CRPPA: variants seen among roughly 807,000 people sequenced by gnomAD.
CRPPA encodes the protein CDP-L-ribitol pyrophosphorylase A.
In CRPPA, 43 loss-of-function variants were observed where a neutral mutation model predicts 52.0. The observed-to-expected ratio is 0.83, with a 90% CI of 0.65 to 1.07. CRPPA has a LOEUF of 1.07. CRPPA is among the 50% of genes least tolerant of loss of function. The probability of loss-of-function intolerance (pLI) is 0.00; values close to 1 mark genes in which losing one functional copy is unlikely to be tolerated. For synonymous variants in CRPPA, 250 were observed against 203.5 expected, an observed-to-expected ratio of 1.23 and a Z score of -1.94; for missense variants, 629 against 551.7, an observed-to-expected ratio of 1.14 and a Z score of -1.40.
In CRPPA at chr7:16,421,152, C is replaced by T. The variant is rs1032859096; in HGVS notation, c.171G>A (p.Gly57=). Residue 57 remains glycine (G), a synonymous_variant, in exon 1 of 10, where the codon GGG becomes GGA. Coordinates refer to ENST00000407010, the MANE Select transcript of CRPPA (RefSeq NM_001101426.4). ...TCGGGGTGGGGACCCCCATCCTCTC[C>T]CCGCACCCCCCGGCAGGCAACACAG... ...VAAVLPAGGC[G]ERMGVPTPKQ... 3.1e-5 allele frequency: 42 copies of T among 1,335,008 alleles called. No homozygotes were observed. Among genetic ancestry groups the T allele is most frequent in the Non-Finnish European group, 3.9e-5 (40 of 1,037,706 alleles). The allele number at this position is 1,335,008 out of a possible 1,614,324, so 82.7% of individuals were successfully genotyped here.
chr7:16,254,788 A>AGAAAGAAG (rs1554299366), intron 8 of CRPPA, among the ~76,000 whole-genome samples: 2 of 118,094 alleles, frequency 1.7e-5, no homozygotes, highest in African/African-American at 6.5e-5. Context: ...AAAGAAAGAA[A>AGAAAGAAG]GAAGGAAAGA....
At chr7:16,123,676 A>C (rs1782520311) in intron 9 of CRPPA, among the ~76,000 whole-genome samples, 1 of 152,166 alleles carries the variant, frequency 6.6e-6, no homozygotes, top group African/African-American at 2.4e-5. Context: ...AGAGGTCATT[A>C]CAGCACATTA....
intron 2 of CRPPA, among the ~76,000 whole-genome samples, chr7:16,390,089 C>CA (rs1432763067): frequency 1.3e-5 from 2 of 150,878 alleles, no homozygotes; most frequent in South Asian, 4.2e-4. Context: ...ACAAAAACTC[C>CA]AAAAAAATGT....
intron 9 of CRPPA, among the ~76,000 whole-genome samples, chr7:16,190,306 G>T (rs1781582259): frequency 6.6e-6 from 1 of 152,162 alleles, no homozygotes; most frequent in Non-Finnish European, 1.5e-5. Flanking sequence ...ATAGAAGACA[G>T]TTAACTTAAA....
At chr7:16,309,200 C>T (rs1017691131) in intron 3 of CRPPA, among the ~76,000 whole-genome samples, 18 of 152,110 alleles carry the variant, frequency 1.2e-4, no homozygotes, top group Non-Finnish European at 2.4e-4. Flanking sequence ...AAAAATAAAA[C>T]ATTTTTTGGC....
chr7:16,420,665 A>G (rs1416194558), intron 1 of CRPPA, among the ~76,000 whole-genome samples: 4 of 152,228 alleles, frequency 2.6e-5, no homozygotes, highest in Admixed American at 1.3e-4. Context: ...TGGAAACTTC[A>G]GTGTGCACGT....
Position 16,360,760 on chromosome 7 carries a change from C to T in CRPPA, c.684+15332G>A, listed in dbSNP as rs1583547719. On this transcript the variant is annotated intron_variant, in intron 3 of 9. Coordinates refer to ENST00000407010, the MANE Select transcript of CRPPA (RefSeq NM_001101426.4). ...CCAAAGACCTAAATATAAGTTAAAGCAAGAATTATAGAAATCTTAGAAGAC... is the reference window on the plus strand; with the variant it reads ...CCAAAGACCTAAATATAAGTTAAAGTAAGAATTATAGAAATCTTAGAAGAC... Among the ~76,000 whole-genome samples the T allele has an allele frequency of 2.0e-5, 3 of 152,032 alleles. No individual in the cohort carries two copies. In the East Asian group the frequency reaches 5.8e-4, roughly 29 times the overall value.
At position 16,258,404 on chromosome 7, in the gene CRPPA, C is replaced by T; in HGVS notation, c.1105G>A (p.Val369Ile). 6.3e-7 allele frequency: 1 copy of T among 1,596,808 alleles called. No homozygotes were observed. The highest frequency in any genetic ancestry group is 8.5e-7 in the Non-Finnish European group (1 of 1,170,190). Reference protein sequence around the residue: ...EESSLCILYPVVVVSVHFLDF... With the variant: ...EESSLCILYPIVVVSVHFLDF... ...ATTTCACTTACTGAAACAACAACAACAGGATATAAAATGCAAAGACTACTC... is the reference window on the plus strand; with the variant it reads ...ATTTCACTTACTGAAACAACAACAATAGGATATAAAATGCAAAGACTACTC... Residue 369 changes from valine to isoleucine, a missense_variant, in exon 8 of 10, where the codon GTT (valine) becomes ATT (isoleucine). Physicochemically the swap from Val to Ile is conservative, Grantham distance 29. Coordinates refer to ENST00000407010, the MANE Select transcript of CRPPA (RefSeq NM_001101426.4).
intron 3 of CRPPA, among the ~76,000 whole-genome samples, chr7:16,311,565 C>A (rs1344971003): frequency 6.6e-6 from 1 of 151,900 alleles, no homozygotes; most frequent in Non-Finnish European, 1.5e-5. Context: ...GTTTGTTTAT[C>A]CCCTCATCTA....
intron 9 of CRPPA, among the ~76,000 whole-genome samples, chr7:16,145,163 A>G (rs1174165016): frequency 6.6e-6 from 1 of 152,204 alleles, no homozygotes; most frequent in Non-Finnish European, 1.5e-5. Flanking sequence ...CATAGTCTGG[A>G]AGCAGTTCTA....
chr7:16,134,092 C>T lies in CRPPA; in HGVS notation c.1252-42293G>A, dbSNP rs941575485. Reference sequence around the variant, plus strand: ...GACTACAGGCGCCCGCCACCACGCCCGGCTAATTTTTTGTATTTTTAGCAG... The same window carrying T: ...GACTACAGGCGCCCGCCACCACGCCTGGCTAATTTTTTGTATTTTTAGCAG... On this transcript the variant is annotated intron_variant, in intron 9 of 9. Coordinates refer to ENST00000407010, the MANE Select transcript of CRPPA (RefSeq NM_001101426.4). Among the ~76,000 whole-genome samples, 4 of 123,678 alleles carry T rather than the reference C, an allele frequency of 3.2e-5. 1 individual carries two copies. Among genetic ancestry groups the T allele is most frequent in the East Asian group, 3.5e-4 (1 of 2,848 alleles). 81.1% of individuals were successfully genotyped at this position (123,678 alleles called of 152,430 possible).
intron 1 of CRPPA, among the ~76,000 whole-genome samples, chr7:16,406,538 CTA>C (rs1353684827): frequency 9.9e-5 from 15 of 152,024 alleles, no homozygotes; most frequent in Non-Finnish European, 2.2e-4. Context: ...CACTATAGCT[CTA>C]GATAGTGTTT....
chr7:16,164,310 T>A (rs1780995219), intron 9 of CRPPA, among the ~76,000 whole-genome samples: 1 of 152,234 alleles, frequency 6.6e-6, no homozygotes, highest in Admixed American at 6.5e-5. Flanking sequence ...TGGCTAAAGA[T>A]ACTTGTGTAT....
At chr7:16,268,940 T>G (rs1296514084) in intron 6 of CRPPA, 1 of 152,250 alleles carries the variant, frequency 6.6e-6, no homozygotes, top group Non-Finnish European at 1.5e-5. Context: ...CACCTTCTCT[T>G]GCCTCCTTTT....
At chr7:16,255,288 AAG>A (rs1220935018) in intron 8 of CRPPA, among the ~76,000 whole-genome samples, 1 of 152,182 alleles carries the variant, frequency 6.6e-6, no homozygotes, top group Non-Finnish European at 1.5e-5. Flanking sequence ...AAGGAAATAA[AAG>A]AGGACACAAA....
intron 9 of CRPPA, among the ~76,000 whole-genome samples, chr7:16,112,841 A>T (rs1362903853): frequency 6.6e-6 from 1 of 152,032 alleles, no homozygotes; most frequent in African/African-American, 2.4e-5. Context: ...CTGATGCCAG[A>T]CTCTAAGCTA....
At chr7:16,189,486 T>C (rs1050310557) in intron 9 of CRPPA, among the ~76,000 whole-genome samples, 5 of 152,180 alleles carry the variant, frequency 3.3e-5, no homozygotes, top group African/African-American at 1.2e-4. Flanking sequence ...AGCAAGCATC[T>C]AGATAGTTGA....
intron 9 of CRPPA, among the ~76,000 whole-genome samples, chr7:16,180,413 T>C (rs1382504409): frequency 2.0e-5 from 3 of 152,126 alleles, no homozygotes; most frequent in Non-Finnish European, 2.9e-5. Flanking sequence ...TAATACATAA[T>C]ATAAGAAAAG....
intron 3 of CRPPA, among the ~76,000 whole-genome samples, chr7:16,372,494 T>C (rs1005838224): frequency 2.6e-5 from 4 of 152,122 alleles, no homozygotes; most frequent in Non-Finnish European, 5.9e-5. Context: ...CACAAACAAA[T>C]GCTGAGAAAA....
Sources: allele counts gnomAD v4.1 joint callset (sites outside exome capture counted in the v4.1 genomes callset), GRCh38; gene constraint gnomAD v4.1.1; transcripts MANE v1.5; gene names NCBI Gene and HGNC (gene_info 2026-07-23, HGNC 2026-07-21).